The following KCNQ1 variants were observed in gnomAD, a reference collection of about 807,000 sequenced individuals.
KCNQ1 encodes potassium voltage-gated channel subfamily Q member 1, also known as potassium voltage-gated channel subfamily KQT member 1.
KCNQ1 carries 49 observed loss-of-function variants against 72.4 expected under a neutral mutation model. The observed-to-expected ratio is 0.68, with a 90% CI of 0.54 to 0.86. KCNQ1 has a LOEUF of 0.86. Ranked by LOEUF, KCNQ1 falls within the 40% of genes least tolerant of loss-of-function variation. The pLI is 0.00. For synonymous variants in KCNQ1, 450 were observed against 412.6 expected, an observed-to-expected ratio of 1.09 and a Z score of -1.10; for missense variants, 790 against 945.1, an observed-to-expected ratio of 0.84 and a Z score of 2.15.
rs1217173160 is a variant in KCNQ1, at chr11:2,676,436, G to C, written c.1514+14355G>C. ...CAATGGGCTGGGCTTTTCCCAGATA[G>C]GACATGCTCACTGTTCTGCTCAGAT... On this transcript the variant is annotated intron_variant, in intron 11 of 15. Transcript: ENST00000155840. The surrounding 1 kb of genome is among the most constrained non-coding windows in gnomAD (Gnocchi z 4.2). 2.5e-6 allele frequency: 1 copy of C among 398,522 alleles called. No individual in the cohort carries two copies. The highest frequency in any genetic ancestry group is 4.4e-6 in the Non-Finnish European group (1 of 226,082). The allele number at this position is 398,522 out of a possible 1,614,324, so 24.7% of individuals were successfully genotyped here.
chr11:2,588,990 G>A lies in KCNQ1; in HGVS notation c.1393+136G>A, dbSNP rs1036535146. 8 of 1,095,192 alleles carry A rather than the reference G, an allele frequency of 7.3e-6. No homozygotes were observed. Among genetic ancestry groups the A allele is most frequent in the African/African-American group, 6.3e-5 (4 of 63,604 alleles). The allele number at this position is 1,095,192 out of a possible 1,614,324, so 67.8% of individuals were successfully genotyped here. On this transcript the variant is annotated intron_variant, in intron 10 of 15. Transcript: ENST00000155840. This position sits in a 1 kb window ranked among gnomAD's most constrained non-coding sequence, Gnocchi z 5.6. ...GAGGTATGAACAGACAGAGGGTGGA[G>A]CTTCTAGAAACTTCTGTAAACCTTC...
At chr11:2,591,409 G>GC (rs1848668429) in intron 10 of KCNQ1, among the ~76,000 whole-genome samples, 1 of 152,240 alleles carries the variant, frequency 6.6e-6, no homozygotes, top group South Asian at 2.1e-4. Context: ...ATCTCAGTGA[G>GC]CCCCCGGGAC....
rs1029571429 is a variant in KCNQ1 at position 2,549,601 on chromosome 11, C to A, written c.478-21027C>A. On this transcript the variant is annotated intron_variant, in intron 2 of 15. Transcript: ENST00000155840. This position sits in a 1 kb window ranked among gnomAD's most constrained non-coding sequence, Gnocchi z 6.2. ...TGCTCATAGCACAGCTGGGACACTTCCAGTGACTGCTCTGCGAGGCCCGGG... is the reference window on the plus strand; with the variant it reads ...TGCTCATAGCACAGCTGGGACACTTACAGTGACTGCTCTGCGAGGCCCGGG... Among the ~76,000 whole-genome samples, 7 of 151,248 alleles carry A rather than the reference C, an allele frequency of 4.6e-5. No homozygotes were observed. Among genetic ancestry groups the A allele is most frequent in the African/African-American group, 1.7e-4 (7 of 40,868 alleles).
intron 1 of KCNQ1, among the ~76,000 whole-genome samples, chr11:2,501,215 A>C (rs973946287): frequency 2.6e-5 from 4 of 151,030 alleles, no homozygotes; most frequent in African/African-American, 4.9e-5. Flanking sequence ...AGTGAAGAAA[A>C]CAAGACAAAA....
chr11:2,553,165 T>G (rs1052740198), intron 2 of KCNQ1, among the ~76,000 whole-genome samples: 33 of 118,900 alleles, frequency 2.8e-4, no homozygotes, highest in Non-Finnish European at 5.1e-4. Flanking sequence ...TTTTTTTGTT[T>G]TTTTTTTTTT....
At chr11:2,699,724 G>T in intron 11 of KCNQ1, 1 of 332,224 alleles carries the variant, frequency 3.0e-6, no homozygotes, top group Non-Finnish European at 5.2e-6. Flanking sequence ...AGGAGTCCCC[G>T]GGGAGAACTG....
Position 2,847,820 on chromosome 11 carries a change from G to A in KCNQ1, c.1848G>A (p.Leu616=), listed in dbSNP as rs749908144. ...TCATCACCGACATGCTTCACCAGCT[G>A]CTCTCCTTGCACGGTGGCAGCACCC... is the stretch of plus-strand genomic sequence containing the variant. ...LALITDMLHQ[L]LSLHGGSTPG... Residue 616 remains leucine, a synonymous_variant, in exon 16 of 16, where the codon CTG becomes CTA. Transcript: ENST00000155840. The A allele has an allele frequency of 9.6e-6, 15 of 1,568,432 alleles. No individual in the cohort carries two copies. Among genetic ancestry groups the A allele is most frequent in the Non-Finnish European group, 4.3e-6 (5 of 1,156,456 alleles).
chr11:2,792,096 G>A (rs1483995773), intron 15 of KCNQ1, among the ~76,000 whole-genome samples: 1 of 152,156 alleles, frequency 6.6e-6, no homozygotes, highest in African/African-American at 2.4e-5. Context: ...CTGGTCCGGC[G>A]CTTCCATTCA....
rs527848973 is a variant in KCNQ1 at position 2,537,788 on chromosome 11, G to A, written c.477+9770G>A. On this transcript the variant is annotated intron_variant, in intron 2 of 15. Coordinates refer to ENST00000155840, the MANE Select transcript of KCNQ1 (RefSeq NM_000218.3). This position sits in a 1 kb window ranked among gnomAD's most constrained non-coding sequence, Gnocchi z 5.2. Reference sequence around the variant, plus strand: ...GGTTGGAGAGTAGTGGCATACTCACGGCTCACTGCAGCCTCGGCCTCCTGG... The same window carrying A: ...GGTTGGAGAGTAGTGGCATACTCACAGCTCACTGCAGCCTCGGCCTCCTGG... 1.6e-4 allele frequency among the ~76,000 whole-genome samples: 25 copies of A among 152,036 alleles called. No individual in the cohort carries two copies. The highest frequency in any genetic ancestry group is 3.9e-4 in the Admixed American group (6 of 15,264).
intron 11 of KCNQ1, among the ~76,000 whole-genome samples, chr11:2,721,121 A>G (rs904588396): frequency 1.3e-5 from 2 of 152,040 alleles, no homozygotes; most frequent in African/African-American, 4.8e-5. Context: ...GGCCTGTCTC[A>G]TGTTTTCCAT....
chr11:2,709,195 T>C (rs999264696), intron 11 of KCNQ1, among the ~76,000 whole-genome samples: 12 of 151,646 alleles, frequency 7.9e-5, no homozygotes, highest in Non-Finnish European at 1.8e-4. Context: ...CGTGGGAGCC[T>C]CCATCTCTCC....
Position 2,527,829 on chromosome 11 carries a change from C to T in KCNQ1, c.387-99C>T, listed in dbSNP as rs538060780. 3.1e-5 allele frequency: 31 copies of T among 989,584 alleles called. No homozygotes were observed. In the Admixed American group the frequency reaches 5.2e-4, roughly 17 times the overall value. 61.3% of individuals were successfully genotyped at this position (989,584 alleles called of 1,614,324 possible). A position where few individuals can be genotyped will look rare whatever the true frequency, so the allele number is the denominator to read the frequency against. On this transcript the variant is annotated intron_variant, in intron 1 of 15. Coordinates refer to ENST00000155840, the MANE Select transcript of KCNQ1 (RefSeq NM_000218.3). The stretch of plus-strand genomic sequence containing the variant: ...TTTTCGAAGCACTGTCTGTTCCTAC[C>T]TGGGGGCGGGGCTGAGGCCAGGGGC...
At position 2,713,404 on chromosome 11, in the gene KCNQ1, C is replaced by T. The variant is rs573468213; in HGVS notation, c.1514+51323C>T. 6.6e-5 allele frequency among the ~76,000 whole-genome samples: 10 copies of T among 152,300 alleles called. No homozygotes were observed. Among genetic ancestry groups the T allele is most frequent in the South Asian group, 2.1e-4 (1 of 4,820 alleles). On this transcript the variant is annotated intron_variant, in intron 11 of 15. Coordinates refer to ENST00000155840, the MANE Select transcript of KCNQ1 (RefSeq NM_000218.3). This position sits in a 1 kb window ranked among gnomAD's most constrained non-coding sequence, Gnocchi z 5.6. ...TTATTTTATTATTCCAGCTATATTA[C>T]GTTGGGAAGAGCTACAGAAATGGTT...
chr11:2,497,856 G>C lies in KCNQ1; in HGVS notation c.387-30072G>C, dbSNP rs977893361. The stretch of plus-strand genomic sequence containing the variant: ...TGACCTTTGGATGGGGTTTTTGTGT[G>C]GGGGGTCCCTTTTGTTGATGTTGAT... On this transcript the variant is annotated intron_variant, in intron 1 of 15. Transcript: ENST00000155840. This position sits in a 1 kb window ranked among gnomAD's most constrained non-coding sequence, Gnocchi z 4.5. Among the ~76,000 whole-genome samples the C allele has an allele frequency of 6.6e-5, 10 of 152,218 alleles. No homozygotes were observed. The highest frequency in any genetic ancestry group is 1.3e-4 in the Non-Finnish European group (9 of 68,010).
Position 2,647,584 on chromosome 11 carries a change from C to A in KCNQ1, c.1394-14377C>A. On this transcript the variant is annotated intron_variant, in intron 10 of 15. Coordinates refer to ENST00000155840, the MANE Select transcript of KCNQ1 (RefSeq NM_000218.3). This position sits in a 1 kb window ranked among gnomAD's most constrained non-coding sequence, Gnocchi z 4.0. Reference sequence around the variant, plus strand: ...TGTCTGAGAAGAATTCATGTTAGTTCTTTAAAGGTTTGGTAGAATTCAGTA... The same window carrying A: ...TGTCTGAGAAGAATTCATGTTAGTTATTTAAAGGTTTGGTAGAATTCAGTA... The A allele has an allele frequency of 2.5e-6, 1 of 398,504 alleles. No homozygotes were observed. Among genetic ancestry groups the A allele is most frequent in the East Asian group, 3.6e-5 (1 of 28,042 alleles). 24.7% of individuals were successfully genotyped at this position (398,504 alleles called of 1,614,324 possible). A position where few individuals can be genotyped will look rare whatever the true frequency, so the allele number is the denominator to read the frequency against.
chr11:2,558,872 C>G lies in KCNQ1; in HGVS notation c.478-11756C>G, dbSNP rs114253991. Among the ~76,000 whole-genome samples, 448 of 152,244 alleles carry G rather than the reference C, an allele frequency of 2.9e-3. 2 individuals are homozygous for G. The highest frequency in any genetic ancestry group is 0.01 in the African/African-American group (419 of 41,536). On this transcript the variant is annotated intron_variant, in intron 2 of 15. Transcript: ENST00000155840. ...AGATTTGGCCCCAATGATAATGGGC[C>G]CAAGAATGTGCTAGGCCCAGGGTGT...
intron 2 of KCNQ1, among the ~76,000 whole-genome samples, chr11:2,545,831 T>C (rs1219096299): frequency 6.6e-6 from 1 of 152,234 alleles, no homozygotes; most frequent in East Asian, 1.9e-4. Context: ...CCTGTTACTA[T>C]CCTTTAAACA....
In KCNQ1 at chr11:2,462,008, A is replaced by G. The variant is rs1403003429; in HGVS notation, c.386+16524A>G. ...TGTGGACTCAGCCAGCCTAGTCCCA[A>G]TACAGCTGGGATGCATTGCTGCTCC... is the stretch of plus-strand genomic sequence containing the variant. On this transcript the variant is annotated intron_variant, in intron 1 of 15. Coordinates refer to ENST00000155840, the MANE Select transcript of KCNQ1 (RefSeq NM_000218.3). The surrounding 1 kb of genome is among the most constrained non-coding windows in gnomAD (Gnocchi z 8.2). 2.3e-5 allele frequency: 8 copies of G among 350,088 alleles called. No homozygotes were observed. The highest frequency in any genetic ancestry group is 4.3e-5 in the South Asian group (2 of 46,426). The allele number at this position is 350,088 out of a possible 1,614,324, so 21.7% of individuals were successfully genotyped here.
Position 2,613,264 on chromosome 11 carries a change from C to T in KCNQ1, c.1393+24410C>T, listed in dbSNP as rs1849010130. On this transcript the variant is annotated intron_variant, in intron 10 of 15. Transcript: ENST00000155840. The surrounding 1 kb of genome is among the most constrained non-coding windows in gnomAD (Gnocchi z 4.8). ...AGGATAAGTAGATAGCAGGAAACCT[C>T]TCTGATCTCTCCTGCAAGCATGTAC... The T allele has an allele frequency of 2.5e-6, 1 of 398,416 alleles. No individual in the cohort carries two copies. The highest frequency in any genetic ancestry group is 4.4e-6 in the Non-Finnish European group (1 of 226,056). 24.7% of individuals were successfully genotyped at this position (398,416 alleles called of 1,614,324 possible). A position where few individuals can be genotyped will look rare whatever the true frequency, so the allele number is the denominator to read the frequency against.
Sources: allele counts gnomAD v4.1 joint callset (sites outside exome capture counted in the v4.1 genomes callset), GRCh38; gene constraint gnomAD v4.1.1; non-coding constraint Gnocchi (gnomAD v3.1); transcripts MANE v1.5; gene names NCBI Gene and HGNC (gene_info 2026-07-23, HGNC 2026-07-21).